TNRC6B: variants seen among roughly 807,000 people sequenced by gnomAD.
The protein encoded by TNRC6B is trinucleotide repeat-containing gene 6B protein.
A neutral mutation model predicts 203.6 loss-of-function variants in TNRC6B; 52 were observed. The ratio of observed to expected loss-of-function variants is 0.26; its 90% CI spans 0.20 to 0.32. TNRC6B has a LOEUF of 0.32. Ranked by LOEUF, TNRC6B falls within the 10% of genes least tolerant of loss-of-function variation. The pLI is 1.00. For missense variants in TNRC6B, 1,923 were observed against 2,286.2 expected (o/e 0.84, Z 3.24); for synonymous variants, 838 against 845.7 (o/e 0.99, Z 0.16).
At chr22:40,046,435 T>A (rs74687119) in intron 1 of TNRC6B, among the ~76,000 whole-genome samples, 45 of 152,322 alleles carry the variant, frequency 3.0e-4, no homozygotes, top group Non-Finnish European at 6.0e-4. Flanking sequence ...GACGTGGTGA[T>A]GATGATAATA....
chr22:40,259,164 C>G (rs760640111), intron 3 of TNRC6B, among the ~76,000 whole-genome samples: 4 of 152,138 alleles, frequency 2.6e-5, no homozygotes, highest in Non-Finnish European at 5.9e-5. Flanking sequence ...TTCATTCATT[C>G]ATTTACCAGT....
intron 11 of TNRC6B, among the ~76,000 whole-genome samples, chr22:40,281,495 A>AT (rs60622890): frequency 0.29 from 43,100 of 148,062 alleles, 6,987 homozygotes; most frequent in South Asian, 0.45. Context: ...TTAAACCTGT[A>AT]TTTTTTTTTT....
At chr22:40,276,319 C>G (rs2070644031) in intron 7 of TNRC6B, among the ~76,000 whole-genome samples, 1 of 151,488 alleles carries the variant, frequency 6.6e-6, no homozygotes, top group Non-Finnish European at 1.5e-5. Flanking sequence ...TGCACTCTAG[C>G]CTGGGTGACA....
intron 1 of TNRC6B, among the ~76,000 whole-genome samples, chr22:40,061,539 TA>T (rs1469259342): frequency 1.3e-5 from 2 of 152,108 alleles, no homozygotes; most frequent in Non-Finnish European, 2.9e-5. Flanking sequence ...TAATATTTTA[TA>T]AATGTCAATT....
chr22:40,077,952 T>G (rs573210590), intron 1 of TNRC6B, among the ~76,000 whole-genome samples: 3 of 152,362 alleles, frequency 2.0e-5, no homozygotes, highest in African/African-American at 7.2e-5. Context: ...TCATACTGGT[T>G]GTAGCTTATT....
intron 1 of TNRC6B, among the ~76,000 whole-genome samples, chr22:40,203,143 C>T (rs1394259093): frequency 3.3e-5 from 5 of 152,120 alleles, no homozygotes; most frequent in Non-Finnish European, 1.5e-5. Context: ...TTGGTGATCA[C>T]ATGTTGGTGA....
At chr22:40,169,897 C>T (rs1399867207) in intron 4 of TNRC6B, among the ~76,000 whole-genome samples, 8 of 152,110 alleles carry the variant, frequency 5.3e-5, no homozygotes. Context: ...TTTGCTGTCA[C>T]ATTTTAAAAG....
intron 1 of TNRC6B, among the ~76,000 whole-genome samples, chr22:40,088,277 A>C (rs895660322): frequency 6.6e-6 from 1 of 152,218 alleles, no homozygotes; most frequent in African/African-American, 2.4e-5. Flanking sequence ...TAGGTGGTGA[A>C]GCAGGAACTG....
chr22:40,230,853 C>G (rs1472647723), intron 1 of TNRC6B, among the ~76,000 whole-genome samples: 1 of 151,978 alleles, frequency 6.6e-6, no homozygotes, highest in African/African-American at 2.4e-5. Context: ...ATGTTTTCTT[C>G]TAGAAGTTTT....
At chr22:40,319,592 T>A (rs2071308388) in intron 21 of TNRC6B, among the ~76,000 whole-genome samples, 1 of 152,046 alleles carries the variant, frequency 6.6e-6, no homozygotes, top group East Asian at 1.9e-4. Context: ...GCCTGGCTAA[T>A]TTTTTTGTGT....
At chr22:40,312,468 G>A (rs756801056) in intron 17 of TNRC6B, 37 bp from the exon 18 acceptor site, 6 of 1,562,420 alleles carry the variant, frequency 3.8e-6, no homozygotes, top group South Asian at 1.2e-5. Flanking sequence ...TTTTTTTAAC[G>A]ACCTTCCTTC....
chr22:40,268,912 CA>C (rs1045950958), intron 5 of TNRC6B, among the ~76,000 whole-genome samples: 1 of 148,922 alleles, frequency 6.7e-6, no homozygotes, highest in East Asian at 2.0e-4. Context: ...GACTCCGTCT[CA>C]AAAAATAATA....
In TNRC6B at chr22:40,170,775, A is replaced by G. The variant is rs1239999657; in HGVS notation, c.113+14593A>G. ...TACATATATGTGTGTATATATACAT[A>G]TATGTACATATATGTGTGTATATAT... On this transcript the variant is annotated intron_variant, in intron 4 of 23. Coordinates refer to the TNRC6B transcript ENST00000301923. Among the ~76,000 whole-genome samples, 4 of 76,116 alleles carry G rather than the reference A, an allele frequency of 5.3e-5. 1 individual carries two copies. The highest frequency in any genetic ancestry group is 1.2e-4 in the Admixed American group (1 of 8,148). The allele number at this position is 76,116 out of a possible 152,430, so 49.9% of individuals were successfully genotyped here.
At chr22:40,094,039 C>T (rs527261700) in intron 1 of TNRC6B, among the ~76,000 whole-genome samples, 296 of 152,074 alleles carry the variant, frequency 1.9e-3, no homozygotes, top group African/African-American at 6.5e-3. Context: ...TGTTGTATAC[C>T]TGTATCAAAA....
At chr22:40,142,098 C>T (rs1365763255) in intron 3 of TNRC6B, among the ~76,000 whole-genome samples, 1 of 151,968 alleles carries the variant, frequency 6.6e-6, no homozygotes, top group Non-Finnish European at 1.5e-5. Flanking sequence ...CTAACTCTGT[C>T]ACCCAGGCTG....
intron 7 of TNRC6B, among the ~76,000 whole-genome samples, chr22:40,275,678 G>A (rs2070631618): frequency 6.6e-6 from 1 of 152,054 alleles, no homozygotes; most frequent in African/African-American, 2.4e-5. Context: ...ACCTGTACTA[G>A]CTGGCTGCGG....
chr22:40,183,812 A>G (rs2069168263), intron 1 of TNRC6B, among the ~76,000 whole-genome samples: 1 of 151,910 alleles, frequency 6.6e-6, no homozygotes, highest in South Asian at 2.1e-4. Flanking sequence ...CTTTTGCGTC[A>G]GCCTCCCGAG....
chr22:40,051,272 T>G (rs6001735), intron 1 of TNRC6B, among the ~76,000 whole-genome samples: 10,606 of 152,186 alleles, frequency 0.07, 1,162 homozygotes, highest in African/African-American at 0.23. Context: ...CTGCATGGAA[T>G]CCCTTATCAC....
At position 40,323,055 on chromosome 22, in the gene TNRC6B, C is replaced by T. The variant is rs368172546; in HGVS notation, c.5316C>T (p.Leu1772=). Residue 1772 remains leucine, a synonymous_variant, in exon 23 of 23, where the codon CTC becomes CTT. Coordinates refer to ENST00000454349, the MANE Select transcript of TNRC6B (RefSeq NM_001162501.2). Reference sequence around the variant, plus strand: ...ATCTTTTTGGTGGGTCCACTGGGCTCGGGCAGTGGAGCAGCAGCGCTGGTG... The same window carrying T: ...ATCTTTTTGGTGGGTCCACTGGGCTTGGGCAGTGGAGCAGCAGCGCTGGTG... The part of the protein sequence containing the change: ...ALNLFGGSTG[L]GQWSSSAGGS... 1.1e-4 allele frequency: 179 copies of T among 1,601,570 alleles called. No homozygotes were observed. Among genetic ancestry groups the T allele is most frequent in the Middle Eastern group, 1.7e-4 (1 of 6,042 alleles).
Sources: gnomAD v4.1 joint callset for allele counts (sites outside exome capture counted in the v4.1 genomes callset) on GRCh38, gnomAD v4.1.1 for gene constraint, MANE v1.5 for transcripts, NCBI Gene and HGNC (gene_info 2026-07-23, HGNC 2026-07-21) for gene names.